TOP2B: variants seen among roughly 807,000 people sequenced by gnomAD.
The protein encoded by TOP2B is DNA topoisomerase II beta.
Under a neutral mutation model 193.5 loss-of-function variants are expected in TOP2B, and 51 were observed. The ratio of observed to expected loss-of-function variants is 0.26; its 90% CI spans 0.21 to 0.33. The LOEUF (loss-of-function observed/expected upper bound fraction) is 0.33, where lower values mean the gene tolerates loss of function less well. Ranked by LOEUF, TOP2B falls within the 10% of genes least tolerant of loss-of-function variation. The pLI is 1.00. For synonymous variants in TOP2B, 634 were observed against 635.7 expected (o/e 1.00, Z 0.04); for missense variants, 1,378 against 1,909.3 (o/e 0.72, Z 5.19).
chr3:25,617,648 C>T (rs572380421), intron 25 of TOP2B, among the ~76,000 whole-genome samples: 1 of 152,230 alleles, frequency 6.6e-6, no homozygotes, highest in East Asian at 1.9e-4. Context: ...CATATATGCA[C>T]AAAATAATCT....
Position 25,603,828 on chromosome 3 carries a change from A to AT in TOP2B, c.4489+931dup, listed in dbSNP as rs577876061. Among the ~76,000 whole-genome samples, 22 of 152,336 alleles carry AT rather than the reference A, an allele frequency of 1.4e-4. No individual in the cohort carries two copies. The East Asian group carries it at 4.0e-3, about 28-fold the overall frequency. Reference sequence around the variant, plus strand: ...TCACATGAGAGGCAAGGACACTGAGATATTTATAGACCAACTTTCCTCAAT... The same window carrying AT: ...TCACATGAGAGGCAAGGACACTGAGATTATTTATAGACCAACTTTCCTCAAT... On this transcript the variant is annotated intron_variant, in intron 33 of 35. Coordinates refer to ENST00000264331, the MANE Select transcript of TOP2B (RefSeq NM_001330700.2).
At chr3:25,600,005 C>T (rs374121445) in intron 34 of TOP2B, among the ~76,000 whole-genome samples, 8 of 152,118 alleles carry the variant, frequency 5.3e-5, no homozygotes, top group Admixed American at 1.3e-4. Context: ...ATGTTTACTC[C>T]GTTTTACTTA....
intron 35 of TOP2B, among the ~76,000 whole-genome samples, chr3:25,598,891 C>A (rs1355734668): frequency 1.3e-5 from 2 of 152,064 alleles, no homozygotes; most frequent in Non-Finnish European, 2.9e-5. Context: ...TAAAAAAATG[C>A]AAAGCATCAC....
intron 10 of TOP2B, among the ~76,000 whole-genome samples, chr3:25,632,109 T>C (rs1702976856): frequency 1.3e-5 from 2 of 152,048 alleles, no homozygotes; most frequent in Admixed American, 1.3e-4. Flanking sequence ...TAAGAATCAG[T>C]AGATCAAGTT....
Position 25,624,232 on chromosome 3 carries a change from G to T in TOP2B, c.2495+65C>A. Reference sequence around the variant, plus strand: ...ATCTCTCCACAGCTATAATTCCATCGAACATTTAGTTAGTTGGTTCCAAAT... The same window carrying T: ...ATCTCTCCACAGCTATAATTCCATCTAACATTTAGTTAGTTGGTTCCAAAT... On this transcript the variant is annotated intron_variant, in intron 20 of 35. Coordinates refer to ENST00000264331, the MANE Select transcript of TOP2B (RefSeq NM_001330700.2). The T allele has an allele frequency of 3.2e-6, 5 of 1,558,258 alleles. No individual in the cohort carries two copies. In the South Asian group the frequency reaches 4.6e-5, roughly 14 times the overall value.
chr3:25,598,424 T>C lies in TOP2B; in HGVS notation c.4764A>G (p.Ser1588=). Residue 1588 remains serine, a synonymous_variant, in exon 36 of 36, where the codon TCA becomes TCG. Coordinates refer to ENST00000264331, the MANE Select transcript of TOP2B (RefSeq NM_001330700.2). ...GAGAAGGTGGCTCAGTAGGGAAGTC[T>C]GAGGGGAAGATGTCCACATCTGAAT... ...DQDSDVDIFP[S]DFPTEPPSLP... 6.2e-7 allele frequency: 1 copy of C among 1,613,448 alleles called. No individual in the cohort carries two copies. Among genetic ancestry groups the C allele is most frequent in the Non-Finnish European group, 8.5e-7 (1 of 1,179,580 alleles).
In TOP2B at chr3:25,609,187, T is replaced by C; in HGVS notation, c.4089A>G (p.Ala1363=). 6.2e-7 allele frequency: 1 copy of C among 1,606,256 alleles called. No homozygotes were observed. Among genetic ancestry groups the C allele is most frequent in the Non-Finnish European group, 8.5e-7 (1 of 1,175,892 alleles). ...ATATTAAATGTGTTACAATACCTGC[T>C]GCTCTCCTAAGCAAAGAATCTCTTG... ...VIPRDSLLRR[A]AAERPKYTFD... The change falls in exon 30 of 36, where the codon GCA becomes GCG. Residue 1363 remains alanine (A), a synonymous_variant. Coordinates refer to ENST00000264331, the MANE Select transcript of TOP2B (RefSeq NM_001330700.2).
In TOP2B at chr3:25,626,843, C is replaced by T; in HGVS notation, c.2038G>A (p.Asp680Asn). The T allele has an allele frequency of 6.3e-7, 1 of 1,599,282 alleles. No individual in the cohort carries two copies. Among genetic ancestry groups the T allele is most frequent in the Non-Finnish European group, 8.5e-7 (1 of 1,173,672 alleles). The part of the protein sequence containing the change: ...ITLAFSKKKI[D>N]DRKEWLTNFM... ...TTTGTTAACCATTCTTTTCTGTCAT[C>T]AATCTTCTTCTTACTAAATGCCTGA... Residue 680 changes from aspartate (D) to asparagine (N), a missense_variant, in exon 17 of 36, where the codon GAT (aspartate) becomes AAT (asparagine). Physicochemically the swap from Asp to Asn is conservative, Grantham distance 23. Transcript: ENST00000264331.
chr3:25,664,537 G>A lies in TOP2B; in HGVS notation c.-240C>T, dbSNP rs938237853. On this transcript the variant is annotated 5_prime_UTR_variant, in exon 1 of 36. Transcript: ENST00000264331. Reference sequence around the variant, plus strand: ...CGTCCGCGTCGCCCGGGCCTAGCGCGGCGGCTGAGGAGAAAGCAGGGAGCG... The same window carrying A: ...CGTCCGCGTCGCCCGGGCCTAGCGCAGCGGCTGAGGAGAAAGCAGGGAGCG... 5 of 1,134,192 alleles carry A rather than the reference G, an allele frequency of 4.4e-6. No individual in the cohort carries two copies. Among genetic ancestry groups the A allele is most frequent in the Non-Finnish European group, 5.4e-6 (5 of 926,518 alleles). The allele number at this position is 1,134,192 out of a possible 1,614,324, so 70.3% of individuals were successfully genotyped here.
intron 27 of TOP2B, among the ~76,000 whole-genome samples, chr3:25,614,453 A>G (rs1050705895): frequency 6.6e-6 from 1 of 152,150 alleles, no homozygotes; most frequent in African/African-American, 2.4e-5. Flanking sequence ...GAAGACTCAC[A>G]TTGCAGCACT....
chr3:25,616,104 G>C (rs1702496663), intron 25 of TOP2B, among the ~76,000 whole-genome samples: 2 of 151,962 alleles, frequency 1.3e-5, no homozygotes, highest in Non-Finnish European at 2.9e-5. Context: ...TCAGGACTCA[G>C]AGAAAGTCCA....
intron 31 of TOP2B, among the ~76,000 whole-genome samples, 182 bp from the exon 32 acceptor site, chr3:25,606,304 G>C (rs1264492681): frequency 6.6e-6 from 1 of 151,968 alleles, no homozygotes; most frequent in Non-Finnish European, 1.5e-5. Flanking sequence ...ATGTGTAAAA[G>C]TGTGCACACA....
intron 4 of TOP2B, among the ~76,000 whole-genome samples, chr3:25,642,084 G>C (rs1169538709): frequency 6.6e-6 from 1 of 152,124 alleles, no homozygotes; most frequent in Non-Finnish European, 1.5e-5. Flanking sequence ...GATTACCCTA[G>C]CAGCTGAAAT....
At position 25,660,970 on chromosome 3, in the gene TOP2B, A is replaced by G. The variant is rs563860883; in HGVS notation, c.69+3259T>C. Among the ~76,000 whole-genome samples, 343 of 151,942 alleles carry G rather than the reference A, an allele frequency of 2.3e-3. 1 individual carries two copies. The highest frequency in any genetic ancestry group is 7.9e-3 in the African/African-American group (326 of 41,402). ...ATTTGCTCTGCTTCAAAAGAATGAG[A>G]AGGGATAAAGTGGGTGGTCTTAGGT... is the stretch of plus-strand genomic sequence containing the variant. On this transcript the variant is annotated intron_variant, in intron 1 of 35. Transcript: ENST00000264331.
At chr3:25,599,562 G>C (rs1411569457) in intron 34 of TOP2B, 33 bp from the exon 35 acceptor site, 1 of 1,573,110 alleles carries the variant, frequency 6.4e-7, no homozygotes, top group South Asian at 1.2e-5. Flanking sequence ...TTTCTTCCGT[G>C]GTTAAGTGCA....
intron 15 of TOP2B, among the ~76,000 whole-genome samples, chr3:25,628,074 A>AC (rs1702855376): frequency 6.6e-6 from 1 of 151,084 alleles, no homozygotes; most frequent in Admixed American, 6.6e-5. Context: ...ACAATTAAAA[A>AC]AAAACGAAAT....
Position 25,624,291 on chromosome 3 carries a change from A to C in TOP2B, c.2495+6T>G. 1 of 1,613,436 alleles carries C rather than the reference A, an allele frequency of 6.2e-7. No individual in the cohort carries two copies. Among genetic ancestry groups the C allele is most frequent in the Non-Finnish European group, 8.5e-7 (1 of 1,179,660 alleles). ...ACTTTATACCATTATATCAGCAAAT[A>C]TTTACCTTAACATTGTGAAAATATA... On this transcript the variant is annotated splice_donor_region_variant and intron_variant, in intron 20 of 35. Coordinates refer to ENST00000264331, the MANE Select transcript of TOP2B (RefSeq NM_001330700.2).
rs115993382 is a variant in TOP2B at position 25,608,705 on chromosome 3, T to C, written c.4093+478A>G. On this transcript the variant is annotated intron_variant, in intron 30 of 35. Transcript: ENST00000264331. Reference sequence around the variant, plus strand: ...TGAAAATTCAGAAAGGATCAAATTATATTCTTATAAGTACTATATTATTAT... The same window carrying C: ...TGAAAATTCAGAAAGGATCAAATTACATTCTTATAAGTACTATATTATTAT... Among the ~76,000 whole-genome samples, 479 of 152,286 alleles carry C rather than the reference T, an allele frequency of 3.1e-3. 4 individuals are homozygous for C. The highest frequency in any genetic ancestry group is 0.011 in the African/African-American group (466 of 41,552).
intron 6 of TOP2B, among the ~76,000 whole-genome samples, chr3:25,636,575 C>G (rs1233319527): frequency 6.6e-6 from 1 of 151,948 alleles, no homozygotes; most frequent in Non-Finnish European, 1.5e-5. Flanking sequence ...AAGGGCATCC[C>G]AGAACCAATC....
Sources: gnomAD v4.1 joint callset for allele counts (sites outside exome capture counted in the v4.1 genomes callset) on GRCh38, gnomAD v4.1.1 for gene constraint, MANE v1.5 for transcripts, NCBI Gene and HGNC (gene_info 2026-07-23, HGNC 2026-07-21) for gene names.